Variants in FREM2 observed in about 807,000 individuals in gnomAD.
FREM2 encodes the protein FRAS1-related extracellular matrix protein 2.
A neutral mutation model predicts 219.9 loss-of-function variants in FREM2; 119 were observed. The observed-to-expected ratio is 0.54, with a 90% CI of 0.47 to 0.63. The LOEUF is 0.63. Among genes scored for constraint, FREM2 ranks in the 30% least tolerant of loss-of-function variants. The pLI, the probability that FREM2 is intolerant of heterozygous loss-of-function variation, is 0.00. For synonymous variants in FREM2, 1,562 were observed against 1,522.8 expected, an observed-to-expected ratio of 1.03 and a Z score of -0.60; for missense variants, 4,030 against 3,993.6, an observed-to-expected ratio of 1.01 and a Z score of -0.25.
intron 2 of FREM2, among the ~76,000 whole-genome samples, chr13:38,736,862 C>T (rs935293119): frequency 7.3e-5 from 5 of 68,764 alleles, no homozygotes; most frequent in African/African-American, 2.8e-4. Flanking sequence ...AAATGCAAAC[C>T]GTTTGTTTTT....
chr13:38,732,553 G>A (rs9532272), intron 2 of FREM2, among the ~76,000 whole-genome samples: 49,214 of 152,098 alleles, frequency 0.32, 10,087 homozygotes, highest in Non-Finnish European at 0.46. Context: ...GCAAGATGTA[G>A]CCCCTATGAA....
chr13:38,867,287 G>C (rs1212321268), intron 16 of FREM2, among the ~76,000 whole-genome samples: 1 of 152,196 alleles, frequency 6.6e-6, no homozygotes, highest in Non-Finnish European at 1.5e-5. Flanking sequence ...TAACTTGTAT[G>C]AGTTCCTTCT....
chr13:38,712,665 C>CACACACAA lies in FREM2; in HGVS notation c.5263+14885_5263+14886insAACACACA, dbSNP rs1870826976. Among the ~76,000 whole-genome samples, 3 of 150,940 alleles carry CACACACAA rather than the reference C, an allele frequency of 2.0e-5. No homozygotes were observed. In the South Asian group the frequency reaches 6.3e-4, roughly 32 times the overall value. ...TTTCTCTCTCTCACACACACACACA[C>CACACACAA]ACACACACACAAACACACACACACA... On this transcript the variant is annotated intron_variant, in intron 2 of 23. Coordinates refer to ENST00000280481, the MANE Select transcript of FREM2 (RefSeq NM_207361.6).
intron 6 of FREM2, among the ~76,000 whole-genome samples, chr13:38,836,051 C>T (rs1876693502): frequency 6.6e-6 from 1 of 152,134 alleles, no homozygotes; most frequent in Non-Finnish European, 1.5e-5. Context: ...CCAGCTTTTG[C>T]CCATTTGTGT....
chr13:38,859,232 A>T lies in FREM2; in HGVS notation c.7216-55A>T, dbSNP rs1593449884. ...CTCGATGGCAGAGAACGGGAGAAGA[A>T]TGCGTTCCACCTGTTCTACACTCTG... On this transcript the variant is annotated intron_variant, in intron 13 of 23. Transcript: ENST00000280481. 3.9e-6 allele frequency: 6 copies of T among 1,552,650 alleles called. No homozygotes were observed. In the African/African-American group the frequency reaches 4.1e-5, roughly 11 times the overall value.
chr13:38,824,225 G>T (rs1265112505), intron 6 of FREM2, among the ~76,000 whole-genome samples: 1 of 151,944 alleles, frequency 6.6e-6, no homozygotes, highest in Non-Finnish European at 1.5e-5. Context: ...AGTAAAATTG[G>T]GTAGCACAAT....
At chr13:38,801,214 G>A (rs948126924) in intron 6 of FREM2, among the ~76,000 whole-genome samples, 7 of 151,966 alleles carry the variant, frequency 4.6e-5, no homozygotes, top group Non-Finnish European at 1.0e-4. Context: ...TTATTTCTTT[G>A]GTAAAATTAT....
chr13:38,742,654 G>A (rs534778952), intron 2 of FREM2, among the ~76,000 whole-genome samples: 122 of 152,148 alleles, frequency 8.0e-4, no homozygotes, highest in South Asian at 6.2e-4. Flanking sequence ...CCATTTTATC[G>A]TTTACTGGAC....
At position 38,689,108 on chromosome 13, in the gene FREM2, CAT is replaced by C. The variant is rs1208942330; in HGVS notation, c.1765_1766del (p.Met589GlyfsTer4). On this transcript the variant is annotated frameshift_variant, in exon 1 of 24. Coordinates refer to ENST00000280481, the MANE Select transcript of FREM2 (RefSeq NM_207361.6). LOFTEE classifies it high-confidence loss of function. ...TGCCCCTTTCCCTGAGTGCAACTGA[CAT>C]GGATTCAGATGATTCTCTGCTGCTT... The part of the protein sequence containing the change: ...ILPLSLSATD[M>X]DSDDSLLLFV... 6.2e-7 allele frequency: 1 copy of C among 1,613,956 alleles called. No individual in the cohort carries two copies.
intron 4 of FREM2, among the ~76,000 whole-genome samples, chr13:38,782,362 ATTAT>A (rs1410642343): frequency 6.6e-6 from 1 of 151,944 alleles, no homozygotes; most frequent in Non-Finnish European, 1.5e-5. Flanking sequence ...TGCCATTTTT[ATTAT>A]TTAACATGCC....
At chr13:38,852,696 G>C (rs1877414467) in intron 11 of FREM2, among the ~76,000 whole-genome samples, 2 of 149,578 alleles carry the variant, frequency 1.3e-5, no homozygotes, top group African/African-American at 4.9e-5. Context: ...GTTGGGCCAT[G>C]TCACCATCTT....
chr13:38,864,855 A>G (rs915596641), intron 16 of FREM2, among the ~76,000 whole-genome samples: 1 of 152,254 alleles, frequency 6.6e-6, no homozygotes, highest in African/African-American at 2.4e-5. Context: ...AGGATGCTGT[A>G]TAATTATTGC....
chr13:38,693,082 G>A (rs1869963056), intron 1 of FREM2, among the ~76,000 whole-genome samples: 1 of 152,070 alleles, frequency 6.6e-6, no homozygotes, highest in South Asian at 2.1e-4. Flanking sequence ...TTTTAAAATT[G>A]TTAATAATAT....
Position 38,877,175 on chromosome 13 carries a change from A to G in FREM2, c.8603A>G (p.Lys2868Arg), listed in dbSNP as rs781161007. ...SLNTQMYLLS[K>R]KSLWLSDGSM... ...AACACCCAAATGTACCTGCTCTCTA[A>G]GAAGAGTCTCTGGTTGTCTGATGGA... is the stretch of plus-strand genomic sequence containing the variant. Residue 2868 changes from lysine (K) to arginine (R), a missense_variant, in exon 21 of 24, where the codon AAG (lysine) becomes AGG (arginine). Physicochemically the swap from Lys to Arg is conservative, Grantham distance 26. Transcript: ENST00000280481. 1 of 1,614,112 alleles carries G rather than the reference A, an allele frequency of 6.2e-7. No homozygotes were observed. The highest frequency in any genetic ancestry group is 2.2e-5 in the East Asian group (1 of 44,878).
At chr13:38,794,812 T>A (rs1874704195) in intron 6 of FREM2, among the ~76,000 whole-genome samples, 1 of 152,234 alleles carries the variant, frequency 6.6e-6, no homozygotes, top group South Asian at 2.1e-4. Context: ...AAAGTCAAAT[T>A]TCATTCATAT....
At chr13:38,839,360 C>T (rs4943609) in intron 6 of FREM2, among the ~76,000 whole-genome samples, 1 of 152,118 alleles carries the variant, frequency 6.6e-6, no homozygotes, top group Non-Finnish European at 1.5e-5. Context: ...GCACCCGCCA[C>T]ATGCCAGCCA....
chr13:38,788,625 C>A (rs754542239), intron 6 of FREM2, among the ~76,000 whole-genome samples: 1 of 152,118 alleles, frequency 6.6e-6, no homozygotes, highest in Non-Finnish European at 1.5e-5. Flanking sequence ...TTTTCATTCA[C>A]TTATCACAGT....
rs773763442 is a variant in FREM2 at position 38,784,640 on chromosome 13, C to G, written c.5851C>G (p.Arg1951Gly). 1 of 1,614,148 alleles carries G rather than the reference C, an allele frequency of 6.2e-7. No homozygotes were observed. Among genetic ancestry groups the G allele is most frequent in the Non-Finnish European group, 8.5e-7 (1 of 1,179,994 alleles). The change falls in exon 6 of 24, where the codon CGC becomes GGC. Residue 1951 changes from arginine to glycine, a missense_variant. Physicochemically the swap from Arg to Gly is moderately radical, Grantham distance 125. Coordinates refer to ENST00000280481, the MANE Select transcript of FREM2 (RefSeq NM_207361.6). ...SRPEDHTSVV[R>G]FDKDEREKLC... ...GCCTGAGGACCACACCAGTGTTGTC[C>G]GCTTTGACAAAGATGAACGGGAGAA...
At chr13:38,865,722 T>G (rs1190139872) in intron 16 of FREM2, among the ~76,000 whole-genome samples, 1 of 152,180 alleles carries the variant, frequency 6.6e-6, no homozygotes, top group African/African-American at 2.4e-5. Context: ...GCAGCAACAT[T>G]TAGTAACTTA....
Sources: allele counts gnomAD v4.1 joint callset (sites outside exome capture counted in the v4.1 genomes callset), GRCh38; gene constraint gnomAD v4.1.1; transcripts MANE v1.5; gene names NCBI Gene and HGNC (gene_info 2026-07-23, HGNC 2026-07-21).